NAV1: variants seen among roughly 807,000 people sequenced by gnomAD.
NAV1 encodes pore membrane and/or filament interacting like protein 3.
A neutral mutation model predicts 175.2 loss-of-function variants in NAV1; 18 were observed. The observed-to-expected ratio is 0.10, with a 90% CI of 0.07 to 0.15. The LOEUF (loss-of-function observed/expected upper bound fraction) is 0.15. Among genes scored for constraint, NAV1 ranks in the 10% least tolerant of loss-of-function variants. The pLI is 1.00. For missense variants in NAV1, 1,731 were observed against 2,436.6 expected, an observed-to-expected ratio of 0.71 and a Z score of 6.10; for synonymous variants, 897 against 978.7, an observed-to-expected ratio of 0.92 and a Z score of 1.56.
chr1:201,712,926 T>C lies in NAV1; in HGVS notation c.860+7T>C, dbSNP rs143556008. On this transcript the variant is annotated splice_region_variant and intron_variant, in intron 2 of 29. Coordinates refer to ENST00000367296, the Ensembl canonical transcript of NAV1. ...GGTCCCAGGTGACTCACAGGTAAGC[T>C]CGAGCTGCAGAGAGGGTCATGCCCT... 8.7e-5 allele frequency: 139 copies of C among 1,605,776 alleles called. No homozygotes were observed. The African/African-American group carries it at 1.6e-3, about 19-fold the overall frequency.
intron 2 of NAV1, among the ~76,000 whole-genome samples, chr1:201,589,693 T>A (rs550223189): frequency 6.6e-6 from 1 of 152,248 alleles, no homozygotes; most frequent in East Asian, 1.9e-4. Flanking sequence ...AGTTTTGCCA[T>A]GTTGATCAGG....
At chr1:201,692,925 A>G (rs763978258) in intron 1 of NAV1, among the ~76,000 whole-genome samples, 3 of 152,238 alleles carry the variant, frequency 2.0e-5, no homozygotes, top group Admixed American at 6.5e-5. Flanking sequence ...GAGGGATTGC[A>G]TGAGATTTCC....
At chr1:201,699,887 T>C (rs1671343069) in intron 1 of NAV1, among the ~76,000 whole-genome samples, 1 of 152,236 alleles carries the variant, frequency 6.6e-6, no homozygotes, top group Non-Finnish European at 1.5e-5. Flanking sequence ...TGGCTAGCCA[T>C]ATGTAGAAAG....
At chr1:201,721,383 G>A (rs1307575768) in intron 3 of NAV1, among the ~76,000 whole-genome samples, 1 of 152,212 alleles carries the variant, frequency 6.6e-6, no homozygotes, top group Non-Finnish European at 1.5e-5. Flanking sequence ...ATAATCCCCA[G>A]TAATTTAATG....
At chr1:201,644,198 T>C (rs2819390), upstream of NAV1, among the ~76,000 whole-genome samples, 10,988 of 152,160 alleles carry the variant, frequency 0.072, 1,273 homozygotes, top group African/African-American at 0.24. Context: ...TCATTGATGG[T>C]AGAATCTCTC....
At chr1:201,655,817 C>T (rs1452621860) in intron 1 of NAV1, among the ~76,000 whole-genome samples, 1 of 152,200 alleles carries the variant, frequency 6.6e-6, no homozygotes, top group African/African-American at 2.4e-5. Flanking sequence ...ACCCGCTTTT[C>T]ACCATGGTGC....
intron 2 of NAV1, among the ~76,000 whole-genome samples, chr1:201,714,764 A>C (rs1171281229): frequency 6.6e-6 from 1 of 152,186 alleles, no homozygotes; most frequent in African/African-American, 2.4e-5. Flanking sequence ...GACACCAGAA[A>C]GTGCTTAGTT....
intron 2 of NAV1, among the ~76,000 whole-genome samples, chr1:201,608,050 A>G (rs1196064832): frequency 6.6e-6 from 1 of 152,112 alleles, no homozygotes; most frequent in African/African-American, 2.4e-5. Flanking sequence ...TCTAATGCAC[A>G]TGTTATTTTT....
chr1:201,819,808 C>T, intron 29 of NAV1, 29 bp from the exon 34 acceptor site: 1 of 1,604,690 alleles, frequency 6.2e-7, no homozygotes, highest in Non-Finnish European at 8.5e-7. Flanking sequence ...TCCCAACTCT[C>T]ATAAATCCAT....
rs1671094307 is a variant in NAV1, at chr1:201,694,327, A to C, written c.758-18490A>C. Reference sequence around the variant, plus strand: ...AGGGACTCCCTTTGTTCTTTGAAGGAGGGAAAGGAAGTGCTGAATGGAGCC... The same window carrying C: ...AGGGACTCCCTTTGTTCTTTGAAGGCGGGAAAGGAAGTGCTGAATGGAGCC... On this transcript the variant is annotated intron_variant, in intron 1 of 29. Coordinates refer to ENST00000367296, the Ensembl canonical transcript of NAV1. This position sits in a 1 kb window ranked among gnomAD's most constrained non-coding sequence, Gnocchi z 4.2. 6.6e-6 allele frequency among the ~76,000 whole-genome samples: 1 copy of C among 152,166 alleles called. No homozygotes were observed. Among genetic ancestry groups the C allele is most frequent in the Non-Finnish European group, 1.5e-5 (1 of 68,020 alleles).
intron 2 of NAV1, among the ~76,000 whole-genome samples, chr1:201,616,612 T>C (rs867748771): frequency 6.6e-4 from 100 of 152,186 alleles, no homozygotes; most frequent in African/African-American, 2.2e-3. Flanking sequence ...CTCAGCCTCC[T>C]GAGTAGCTGG....
chr1:201,569,397 ATCT>A (rs1666464289), intron 1 of NAV1, among the ~76,000 whole-genome samples: 1 of 152,234 alleles, frequency 6.6e-6, no homozygotes, highest in Non-Finnish European at 1.5e-5. Flanking sequence ...AATTAACATC[ATCT>A]TCAGCTCTTG....
At chr1:201,590,946 C>T (rs1464178611) in intron 2 of NAV1, among the ~76,000 whole-genome samples, 3 of 152,182 alleles carry the variant, frequency 2.0e-5, no homozygotes, top group Admixed American at 1.3e-4. Flanking sequence ...CCTGGTGCTC[C>T]TTGCCTCTTC....
chr1:201,562,230 G>C (rs957467928), intron 1 of NAV1, among the ~76,000 whole-genome samples: 13 of 146,782 alleles, frequency 8.9e-5, no homozygotes, highest in Non-Finnish European at 1.6e-4. Flanking sequence ...TGTTGCCTAG[G>C]CTGGTCTCGA....
chr1:201,605,412 T>C (rs752984322), intron 2 of NAV1, among the ~76,000 whole-genome samples: 1 of 152,132 alleles, frequency 6.6e-6, no homozygotes, highest in Non-Finnish European at 1.5e-5. Context: ...TTTAGGACAT[T>C]TGTGCAGTTT....
Position 201,810,373 on chromosome 1 carries a change from T to G in NAV1, c.4562-150T>G. 1 of 824,574 alleles carries G rather than the reference T, an allele frequency of 1.2e-6. No homozygotes were observed. The highest frequency in any genetic ancestry group is 2.7e-5 in the East Asian group (1 of 37,280). 51.1% of individuals were successfully genotyped at this position (824,574 alleles called of 1,614,324 possible). ...AAAAGAAGATCTAAGTTTTCAAAAC[T>G]AGGGGTTAAGGGACTCTTATGGAAC... On this transcript the variant is annotated intron_variant, in intron 23 of 29. Transcript: ENST00000367296. The surrounding 1 kb of genome is among the most constrained non-coding windows in gnomAD (Gnocchi z 6.0).
intron 3 of NAV1, among the ~76,000 whole-genome samples, chr1:201,734,327 G>C (rs559741120): frequency 6.6e-6 from 1 of 151,772 alleles, no homozygotes; most frequent in South Asian, 2.1e-4. Context: ...AGGATCGCTT[G>C]AGTGATTGGA....
chr1:201,814,085 A>C (rs1055378918), intron 28 of NAV1, among the ~76,000 whole-genome samples: 3 of 152,040 alleles, frequency 2.0e-5, no homozygotes, highest in East Asian at 1.9e-4. Flanking sequence ...AACAAACAAA[A>C]AAACTTAAAA....
In NAV1 at chr1:201,607,605, C is replaced by T. The variant is rs1156303600; in HGVS notation, c.-32-15248C>T. Among the ~76,000 whole-genome samples, 5 of 152,192 alleles carry T rather than the reference C, an allele frequency of 3.3e-5. No homozygotes were observed. In the East Asian group the frequency reaches 9.6e-4, roughly 29 times the overall value. On this transcript the variant is annotated intron_variant, in intron 2 of 33. Coordinates refer to the NAV1 transcript ENST00000685211. ...CTCCCAGGTTCAAGCAATTCTCCCA[C>T]CTCAGTCTCCCCAGTAGCTGGGATT...
Sources: gnomAD v4.1 joint callset for allele counts (sites outside exome capture counted in the v4.1 genomes callset) on GRCh38, gnomAD v4.1.1 for gene constraint, Gnocchi (gnomAD v3.1) non-coding constraint, MANE v1.5 for transcripts, NCBI Gene and HGNC (gene_info 2026-07-23, HGNC 2026-07-21) for gene names.